TG: variants seen among roughly 807,000 people sequenced by gnomAD.
TG encodes thyroid hormones.
In TG, 270 loss-of-function variants were observed where a neutral mutation model predicts 324.7. The ratio of observed to expected loss-of-function variants is 0.83; its 90% CI spans 0.75 to 0.92. The LOEUF (loss-of-function observed/expected upper bound fraction) is 0.92, where lower values mean the gene tolerates loss of function less well. Among genes scored for constraint, TG ranks in the 40% least tolerant of loss-of-function variants. The pLI, the probability that TG is intolerant of heterozygous loss-of-function variation, is 0.00. For missense variants in TG, 3,591 were observed against 3,456.4 expected (o/e 1.04, Z -0.98); for synonymous variants, 1,401 against 1,327.0 (o/e 1.06, Z -1.21).
chr8:133,128,636 C>T (rs1284599958), intron 45 of TG, among the ~76,000 whole-genome samples: 1 of 152,122 alleles, frequency 6.6e-6, no homozygotes, highest in African/African-American at 2.4e-5. Flanking sequence ...CAGAGCTTGC[C>T]CATCTTGGGC....
chr8:133,122,508 G>C (rs1024199441), intron 45 of TG, among the ~76,000 whole-genome samples: 1 of 152,122 alleles, frequency 6.6e-6, no homozygotes, highest in African/African-American at 2.4e-5. Context: ...TCTTTCAATT[G>C]CTCCAACGTT....
chr8:132,978,040 T>A (rs1239274366), intron 34 of TG, among the ~76,000 whole-genome samples: 1 of 152,236 alleles, frequency 6.6e-6, no homozygotes, highest in African/African-American at 2.4e-5. Flanking sequence ...CCATTTTGCA[T>A]TGCTATAAAG....
intron 41 of TG, among the ~76,000 whole-genome samples, chr8:133,092,721 T>G (rs1369824943): frequency 1.3e-5 from 2 of 152,138 alleles, no homozygotes; most frequent in African/African-American, 2.4e-5. Context: ...CCATGCTCTC[T>G]ACACACCTCT....
At chr8:132,911,673 A>G in intron 19 of TG, 140 bp downstream of exon 19, 1 of 717,280 alleles carries the variant, frequency 1.4e-6, no homozygotes, top group Non-Finnish European at 2.4e-6. Context: ...TTATTTAAAA[A>G]CATATAATAA....
intron 37 of TG, among the ~76,000 whole-genome samples, chr8:133,015,873 C>T (rs1834979776): frequency 3.3e-5 from 5 of 152,212 alleles, no homozygotes; most frequent in Admixed American, 2.6e-4. Flanking sequence ...TGAGTTCTAA[C>T]TCATATTCCA....
At chr8:132,876,311 G>C (rs980147728) in intron 5 of TG, among the ~76,000 whole-genome samples, 5 of 152,172 alleles carry the variant, frequency 3.3e-5, no homozygotes, top group African/African-American at 1.2e-4. Flanking sequence ...AATTGATATG[G>C]AGGTGAGGGT....
At position 132,887,999 on chromosome 8, in the gene TG, A is replaced by G; in HGVS notation, c.2192A>G (p.Gln731Arg). Residue 731 changes from glutamine to arginine, a missense_variant, in exon 10 of 48, where the codon CAA becomes CGA. Coordinates refer to ENST00000220616, the MANE Select transcript of TG (RefSeq NM_003235.5). ...TCCTCCCCAGGCCCCACGCCCTGTC[A>G]ATTACAGTCTGAGCAAGCTTTCCTC... ...GKPKKCPTPC[Q>R]LQSEQAFLRT... The G allele has an allele frequency of 6.2e-7, 1 of 1,613,988 alleles. No homozygotes were observed. Among genetic ancestry groups the G allele is most frequent in the Non-Finnish European group, 8.5e-7 (1 of 1,179,966 alleles).
At chr8:133,052,128 A>G (rs1043771031) in intron 41 of TG, among the ~76,000 whole-genome samples, 1 of 152,200 alleles carries the variant, frequency 6.6e-6, no homozygotes, top group African/African-American at 2.4e-5. Context: ...ACACCTCTAG[A>G]TCCTGCCTCT....
intron 35 of TG, among the ~76,000 whole-genome samples, chr8:133,006,720 C>T (rs148066014): frequency 6.6e-6 from 1 of 152,242 alleles, no homozygotes; most frequent in African/African-American, 2.4e-5. Flanking sequence ...CAACAAAGAG[C>T]CTATTAATAT....
chr8:132,873,051 A>C lies in TG; in HGVS notation c.479-11A>C. The stretch of plus-strand genomic sequence containing the variant: ...CATATATAAGGATTTTTTTTTCGTG[A>C]AAATGTTTAGGTCCAAGGAGCTGTG... On this transcript the variant is annotated splice_polypyrimidine_tract_variant and intron_variant, in intron 4 of 47. Transcript: ENST00000220616. 6.2e-7 allele frequency: 1 copy of C among 1,612,972 alleles called. No homozygotes were observed. The highest frequency in any genetic ancestry group is 8.5e-7 in the Non-Finnish European group (1 of 1,179,660).
chr8:132,918,053 C>T lies in TG; in HGVS notation c.4379-1323C>T, dbSNP rs530445594. ...CCCAATGGTCTTGAGAGAGCCCCTT[C>T]TCCCGAGGGAAGGTTGACAGTAAGG... is the stretch of plus-strand genomic sequence containing the variant. On this transcript the variant is annotated intron_variant, in intron 20 of 47. Coordinates refer to ENST00000220616, the MANE Select transcript of TG (RefSeq NM_003235.5). Among the ~76,000 whole-genome samples the T allele has an allele frequency of 1.2e-4, 19 of 152,160 alleles. No homozygotes were observed. In the South Asian group the frequency reaches 1.5e-3, roughly 12 times the overall value.
At chr8:133,057,359 G>T (rs1034774557) in intron 41 of TG, among the ~76,000 whole-genome samples, 3 of 152,310 alleles carry the variant, frequency 2.0e-5, no homozygotes, top group African/African-American at 7.2e-5. Flanking sequence ...AGTATGTATA[G>T]AATTGTAGAG....
intron 41 of TG, among the ~76,000 whole-genome samples, chr8:133,067,975 TC>T (rs1429099866): frequency 7.4e-4 from 112 of 151,322 alleles, no homozygotes; most frequent in African/African-American, 2.6e-3. Context: ...AAAGAAGGAT[TC>T]CCTAGAAGCT....
At chr8:133,023,602 C>G (rs1305757647) in intron 40 of TG, among the ~76,000 whole-genome samples, 1 of 152,120 alleles carries the variant, frequency 6.6e-6, no homozygotes, top group Non-Finnish European at 1.5e-5. Context: ...GTTTGCTTTC[C>G]TCTGTGTGAA....
At chr8:132,986,934 G>A (rs1831632735) in intron 35 of TG, among the ~76,000 whole-genome samples, 1 of 152,122 alleles carries the variant, frequency 6.6e-6, no homozygotes, top group South Asian at 2.1e-4. Context: ...GATAAAGAGT[G>A]TTTTGATGTC....
chr8:133,065,961 T>C (rs1291181379), intron 41 of TG, among the ~76,000 whole-genome samples: 1 of 152,032 alleles, frequency 6.6e-6, no homozygotes, highest in Non-Finnish European at 1.5e-5. Flanking sequence ...GAAGTGCTGC[T>C]GGGAGCAGAA....
At chr8:132,899,540 C>G (rs1817620793) in intron 14 of TG, among the ~76,000 whole-genome samples, 1 of 152,194 alleles carries the variant, frequency 6.6e-6, no homozygotes, top group African/African-American at 2.4e-5. Context: ...TGTTGAAACT[C>G]ATGAAACTGT....
intron 41 of TG, among the ~76,000 whole-genome samples, chr8:133,060,987 T>C (rs1842289166): frequency 6.6e-6 from 1 of 152,200 alleles, no homozygotes; most frequent in African/African-American, 2.4e-5. Context: ...ACAAGCTAGA[T>C]GACTTCGGGC....
rs761677788 is a variant in TG at position 133,013,612 on chromosome 8, A to G, written c.6410A>G (p.His2137Arg). 8 of 1,614,132 alleles carry G rather than the reference A, an allele frequency of 5.0e-6. No homozygotes were observed. The highest frequency in any genetic ancestry group is 1.3e-5 in the African/African-American group (1 of 74,944). ...RDLCLSECSQ[H>R]EACLITTLQT... ...CTCTTTTCTGCAGAATGTTCCCAAC[A>G]TGAGGCCTGTCTCATCACCACTCTG... Residue 2137 changes from histidine to arginine, a missense_variant, in exon 37 of 48, where the codon CAT (histidine) becomes CGT (arginine). Coordinates refer to ENST00000220616, the MANE Select transcript of TG (RefSeq NM_003235.5).
Sources: allele counts gnomAD v4.1 joint callset (sites outside exome capture counted in the v4.1 genomes callset), GRCh38; gene constraint gnomAD v4.1.1; transcripts MANE v1.5; gene names NCBI Gene and HGNC (gene_info 2026-07-23, HGNC 2026-07-21).